The following TRDN variants were observed in gnomAD, a reference collection of about 807,000 sequenced individuals.
TRDN encodes triadin, also known as triadin in skeletal muscle.
TRDN carries 161 observed loss-of-function variants against 149.7 expected under a neutral mutation model. The ratio of observed to expected loss-of-function variants is 1.08; its 90% CI spans 0.95 to 1.23. TRDN has a LOEUF of 1.23. TRDN is among the 50% of genes most tolerant of loss of function. TRDN has a pLI of 0.00. For synonymous variants in TRDN, 294 were observed against 250.5 expected (o/e 1.17, Z -1.64); for missense variants, 896 against 823.5 (o/e 1.09, Z -1.08).
At chr6:123,304,659 A>T (rs1037863417) in intron 24 of TRDN, among the ~76,000 whole-genome samples, 1 of 152,070 alleles carries the variant, frequency 6.6e-6, no homozygotes, top group African/African-American at 2.4e-5. Flanking sequence ...TTATTTGAAG[A>T]TTGTCTGACA....
In TRDN at chr6:123,547,325, G is replaced by A; in HGVS notation, c.424+15C>T. 1 of 1,426,364 alleles carries A rather than the reference G, an allele frequency of 7.0e-7. No homozygotes were observed. Among genetic ancestry groups the A allele is most frequent in the Non-Finnish European group, 9.3e-7 (1 of 1,071,920 alleles). The allele number at this position is 1,426,364 out of a possible 1,614,324, so 88.4% of individuals were successfully genotyped here. A position where few individuals can be genotyped will look rare whatever the true frequency, so the allele number is the denominator to read the frequency against. On this transcript the variant is annotated intron_variant, in intron 4 of 40. Coordinates refer to ENST00000334268, the MANE Select transcript of TRDN (RefSeq NM_006073.4). Reference sequence around the variant, plus strand: ...AAGAGAAAAATAATTATTATCAAAGGTGAAAACAACTAACCTTTTTTTCTC... The same window carrying A: ...AAGAGAAAAATAATTATTATCAAAGATGAAAACAACTAACCTTTTTTTCTC...
chr6:123,563,692 G>A (rs1782119543), intron 2 of TRDN, among the ~76,000 whole-genome samples: 1 of 152,194 alleles, frequency 6.6e-6, no homozygotes, highest in Non-Finnish European at 1.5e-5. Context: ...AAATTTAACA[G>A]ATTAGTGGAG....
At chr6:123,443,577 G>A (rs1447645571) in intron 10 of TRDN, among the ~76,000 whole-genome samples, 2 of 152,102 alleles carry the variant, frequency 1.3e-5, no homozygotes, top group African/African-American at 4.8e-5. Context: ...TGGATCACGA[G>A]GTCAGGAGAT....
chr6:123,235,276 A>G (rs980654614), intron 38 of TRDN, among the ~76,000 whole-genome samples: 1 of 152,094 alleles, frequency 6.6e-6, no homozygotes, highest in Non-Finnish European at 1.5e-5. Flanking sequence ...TAAAGTTATG[A>G]GGGACTTTGT....
At chr6:123,579,671 G>A (rs1202124464) in intron 1 of TRDN, among the ~76,000 whole-genome samples, 1 of 152,130 alleles carries the variant, frequency 6.6e-6, no homozygotes, top group Non-Finnish European at 1.5e-5. Flanking sequence ...ATGAGTTGGA[G>A]AGGAGTGCCT....
At chr6:123,626,953 A>G (rs1785704800) in intron 1 of TRDN, among the ~76,000 whole-genome samples, 1 of 151,248 alleles carries the variant, frequency 6.6e-6, no homozygotes, top group South Asian at 2.1e-4. Flanking sequence ...TTTGAGACAG[A>G]GTTTTGCTCT....
chr6:123,333,687 A>C (rs751852650), intron 22 of TRDN, among the ~76,000 whole-genome samples: 2 of 152,068 alleles, frequency 1.3e-5, no homozygotes, highest in African/African-American at 2.4e-5. Context: ...CTGACAAAAA[A>C]GTGAAGAGAT....
intron 13 of TRDN, among the ~76,000 whole-genome samples, chr6:123,392,341 C>T (rs1226634696): frequency 1.3e-5 from 2 of 152,032 alleles, no homozygotes; most frequent in Non-Finnish European, 1.5e-5. Flanking sequence ...TAACATGAGG[C>T]TGAAGTAACT....
At chr6:123,287,089 G>A (rs1472167493) in intron 24 of TRDN, among the ~76,000 whole-genome samples, 1 of 152,136 alleles carries the variant, frequency 6.6e-6, no homozygotes, top group Non-Finnish European at 1.5e-5. Context: ...AAGAAGCACA[G>A]AAAGAGTGCA....
intron 9 of TRDN, among the ~76,000 whole-genome samples, chr6:123,492,042 C>G (rs75956541): frequency 1.6e-4 from 25 of 152,112 alleles, no homozygotes; most frequent in African/African-American, 4.1e-4. Flanking sequence ...AATGAGAGTA[C>G]TAACTTATTC....
chr6:123,511,678 G>T (rs1779188515), intron 7 of TRDN, among the ~76,000 whole-genome samples: 1 of 152,088 alleles, frequency 6.6e-6, no homozygotes, highest in African/African-American at 2.4e-5. Flanking sequence ...ATTCCAAAGT[G>T]TTGGCTCAGC....
At chr6:123,481,292 A>C (rs979916087) in intron 9 of TRDN, among the ~76,000 whole-genome samples, 1 of 152,034 alleles carries the variant, frequency 6.6e-6, no homozygotes, top group Non-Finnish European at 1.5e-5. Flanking sequence ...GCTATCAGCC[A>C]ATTATCTGCT....
intron 2 of TRDN, among the ~76,000 whole-genome samples, chr6:123,563,749 A>G (rs1377697976): frequency 6.6e-6 from 1 of 152,190 alleles, no homozygotes; most frequent in Admixed American, 6.5e-5. Flanking sequence ...TATTTAATAC[A>G]TATTTGTTTA....
At position 123,275,015 on chromosome 6, in the gene TRDN, T is replaced by C. The variant is rs77422602; in HGVS notation, c.1568-345A>G. ...TTTCTACTTTTTTCTAAGATGATTA[T>C]TGCAGAAAATAGTTCCAAAGTCAAC... is the stretch of plus-strand genomic sequence containing the variant. On this transcript the variant is annotated intron_variant, in intron 26 of 40. Transcript: ENST00000334268. Among the ~76,000 whole-genome samples, 64 of 152,296 alleles carry C rather than the reference T, an allele frequency of 4.2e-4. 1 individual carries two copies. In the East Asian group the frequency reaches 0.011, roughly 26 times the overall value.
intron 2 of TRDN, among the ~76,000 whole-genome samples, chr6:123,570,580 C>G (rs1782519597): frequency 6.6e-6 from 1 of 152,088 alleles, no homozygotes. Flanking sequence ...GTAAAACCTA[C>G]AAATTATTCC....
chr6:123,379,313 C>G (rs1781626330), intron 16 of TRDN, among the ~76,000 whole-genome samples: 1 of 152,100 alleles, frequency 6.6e-6, no homozygotes. Context: ...TTTAAGACAG[C>G]CTTTAAGCAG....
intron 6 of TRDN, among the ~76,000 whole-genome samples, chr6:123,513,979 T>C (rs1300314816): frequency 6.6e-6 from 1 of 152,138 alleles, no homozygotes; most frequent in African/African-American, 2.4e-5. Flanking sequence ...CAATCCACCC[T>C]AAAACAATGG....
chr6:123,496,431 T>C (rs1227873774), intron 9 of TRDN, among the ~76,000 whole-genome samples: 2 of 152,092 alleles, frequency 1.3e-5, no homozygotes, highest in Non-Finnish European at 2.9e-5. Context: ...TTTAAGCAAT[T>C]AGCTTCATTT....
At chr6:123,392,831 T>C (rs996536133) in intron 13 of TRDN, among the ~76,000 whole-genome samples, 6 of 152,056 alleles carry the variant, frequency 3.9e-5, no homozygotes, top group African/African-American at 1.4e-4. Flanking sequence ...CATTCGGTCA[T>C]ACATCATGTG....
Sources: gnomAD v4.1 joint callset for allele counts (sites outside exome capture counted in the v4.1 genomes callset) on GRCh38, gnomAD v4.1.1 for gene constraint, MANE v1.5 for transcripts, NCBI Gene and HGNC (gene_info 2026-07-23, HGNC 2026-07-21) for gene names.